Variants in PXN observed in about 807,000 individuals in gnomAD.
The protein encoded by PXN is paxillin.
A neutral mutation model predicts 103.6 loss-of-function variants in PXN; 61 were observed. The observed-to-expected ratio is 0.59, with a 90% CI of 0.48 to 0.73. PXN has a LOEUF of 0.73. Ranked by LOEUF, PXN falls within the 30% of genes least tolerant of loss-of-function variation. The pLI, the probability that PXN is intolerant of heterozygous loss-of-function variation, is 0.00. For synonymous variants in PXN, 562 were observed against 607.8 expected, an observed-to-expected ratio of 0.92 and a Z score of 1.11; for missense variants, 1,274 against 1,460.3, an observed-to-expected ratio of 0.87 and a Z score of 2.08.
rs760709224 is a variant in PXN at position 120,221,554 on chromosome 12, C to G, written c.831+69G>C. On this transcript the variant is annotated intron_variant, in intron 6 of 14. Transcript: ENST00000637617. This position sits in a 1 kb window ranked among gnomAD's most constrained non-coding sequence, Gnocchi z 6.6. Reference sequence around the variant, plus strand: ...AGATGCCAAGATCCAGCTACCCACACTGAGGTAAGGGAGGAGAAGGATGAG... The same window carrying G: ...AGATGCCAAGATCCAGCTACCCACAGTGAGGTAAGGGAGGAGAAGGATGAG... The G allele has an allele frequency of 4.1e-5, 60 of 1,480,778 alleles. No homozygotes were observed. The highest frequency in any genetic ancestry group is 5.1e-5 in the Non-Finnish European group (56 of 1,100,834). The allele number at this position is 1,480,778 out of a possible 1,614,324, so 91.7% of individuals were successfully genotyped here. A position where few individuals can be genotyped will look rare whatever the true frequency, so the allele number is the denominator to read the frequency against.
chr12:120,236,801 GTATT>G (rs933671041), intron 1 of PXN, among the ~76,000 whole-genome samples: 5 of 151,138 alleles, frequency 3.3e-5, no homozygotes, highest in Non-Finnish European at 5.9e-5. Context: ...TTTTATTTAT[GTATT>G]TATTTATTTA....
rs375417287 is a variant in PXN at position 120,222,870 on chromosome 12, G to A, written c.486C>T (p.Phe162=). The A allele has an allele frequency of 5.5e-4, 885 of 1,613,656 alleles. 1 individual carries two copies. Among genetic ancestry groups the A allele is most frequent in the Non-Finnish European group, 7.3e-4 (859 of 1,179,782 alleles). ...LNAVQHNPPG[F]PADEANSSPP... ...CCAGGGACCCGGTCCTACCTGCAGG[G>A]AAGCCTGGCGGGTTATGCTGTACAG... The change falls in exon 4 of 15, where the codon TTC becomes TTT. Residue 162 remains phenylalanine (F), a synonymous_variant. Coordinates refer to ENST00000637617, the MANE Select transcript of PXN (RefSeq NM_001385981.1). This position sits in a 1 kb window ranked among gnomAD's most constrained non-coding sequence, Gnocchi z 4.7.
chr12:120,256,907 G>A (rs1893105167), intron 1 of PXN, among the ~76,000 whole-genome samples: 1 of 152,062 alleles, frequency 6.6e-6, no homozygotes, highest in African/African-American at 2.4e-5. Context: ...GTAGAGATGG[G>A]GTTTCTCCAT....
At chr12:120,233,909 G>A (rs77478127) in intron 1 of PXN, among the ~76,000 whole-genome samples, 186 of 152,204 alleles carry the variant, frequency 1.2e-3, no homozygotes, top group African/African-American at 4.4e-3. Flanking sequence ...CCTGGTTTGA[G>A]CCTCTCGCAC....
intron 1 of PXN, chr12:120,226,097 C>T (rs930780027): frequency 1.5e-5 from 17 of 1,121,972 alleles, no homozygotes; most frequent in African/African-American, 6.6e-5. Context: ...ATCTAGGTAA[C>T]GGCAGAAAAG....
Position 120,222,812 on chromosome 12 carries a change from G to A in PXN, c.493+51C>T. The A allele has an allele frequency of 6.2e-7, 1 of 1,606,382 alleles. No homozygotes were observed. Among genetic ancestry groups the A allele is most frequent in the South Asian group, 1.1e-5 (1 of 90,352 alleles). Reference sequence around the variant, plus strand: ...GAGCCCTCCTGGGATCTAGAGGTCAGCAGATGGGCCCTGGGCCCTGGTAGA... The same window carrying A: ...GAGCCCTCCTGGGATCTAGAGGTCAACAGATGGGCCCTGGGCCCTGGTAGA... On this transcript the variant is annotated intron_variant, in intron 4 of 14. Transcript: ENST00000637617. This position sits in a 1 kb window ranked among gnomAD's most constrained non-coding sequence, Gnocchi z 4.7.
At position 120,219,527 on chromosome 12, in the gene PXN, C is replaced by CA; in HGVS notation, c.1395dup (p.Val466CysfsTer65). On this transcript the variant is annotated frameshift_variant, in exon 7 of 15. Transcript: ENST00000637617. LOFTEE classifies it high-confidence loss of function. The surrounding 1 kb of genome is among the most constrained non-coding windows in gnomAD (Gnocchi z 6.5). ...ATGGCCTGCCGGTCCACTGCCACTACAGCTGGCTCTGTTACTTCTTGGAAG... is the reference window on the plus strand; with the variant it reads ...ATGGCCTGCCGGTCCACTGCCACTACAAGCTGGCTCTGTTACTTCTTGGAAG... 1 of 1,592,454 alleles carries CA rather than the reference C, an allele frequency of 6.3e-7. No individual in the cohort carries two copies. The highest frequency in any genetic ancestry group is 8.5e-7 in the Non-Finnish European group (1 of 1,176,948).
At chr12:120,256,824 T>A (rs1286750598) in intron 1 of PXN, among the ~76,000 whole-genome samples, 1 of 152,026 alleles carries the variant, frequency 6.6e-6, no homozygotes, top group East Asian at 1.9e-4. Flanking sequence ...TTCAAGGAAT[T>A]CTCCTGCCTC....
chr12:120,226,024 G>A, intron 1 of PXN: 2 of 1,069,636 alleles, frequency 1.9e-6, no homozygotes, highest in Non-Finnish European at 2.3e-6. Context: ...CGCCCTCCGG[G>A]TCCCATGGAG....
At chr12:120,233,877 C>T (rs888068743) in intron 1 of PXN, among the ~76,000 whole-genome samples, 2 of 152,154 alleles carry the variant, frequency 1.3e-5, no homozygotes, top group African/African-American at 4.8e-5. Context: ...ATGTGTCCCA[C>T]CACTACCTCT....
chr12:120,249,917 G>A (rs1038911236), intron 1 of PXN: 27 of 985,340 alleles, frequency 2.7e-5, no homozygotes, highest in Non-Finnish European at 2.7e-5. Flanking sequence ...AAGCTAAGCA[G>A]GGGTGAAGAA....
chr12:120,212,530 C>T lies in PXN; in HGVS notation c.3030G>A (p.Gln1010=), dbSNP rs1566345091. The T allele has an allele frequency of 9.3e-6, 15 of 1,613,730 alleles. No homozygotes were observed. The highest frequency in any genetic ancestry group is 1.3e-5 in the Non-Finnish European group (15 of 1,179,744). Residue 1010 remains glutamine, a synonymous_variant, in exon 15 of 15, where the codon CAG becomes CAA. Transcript: ENST00000637617. The surrounding 1 kb of genome is among the most constrained non-coding windows in gnomAD (Gnocchi z 7.2). ...CGTGGTAGTGCACCTCACAGTAGGG[C>T]TGCCCGTCGTGCTCGAAGAAGCTGC... ...VNGSFFEHDG[Q]PYCEVHYHER... is the part of the protein sequence containing the mutation.
chr12:120,226,396 A>G (rs1365200034), intron 1 of PXN: 3 of 1,289,248 alleles, frequency 2.3e-6, no homozygotes, highest in Admixed American at 4.6e-5. Flanking sequence ...CACAGATGGT[A>G]TAACTGCGGT....
intron 1 of PXN, among the ~76,000 whole-genome samples, chr12:120,259,132 C>T (rs1893472681): frequency 6.6e-6 from 1 of 151,710 alleles, no homozygotes. Context: ...TAGCTCACAC[C>T]TGTAATCCCA....
chr12:120,248,907 C>T (rs535447565), intron 1 of PXN, among the ~76,000 whole-genome samples: 1 of 152,072 alleles, frequency 6.6e-6, no homozygotes, highest in Admixed American at 6.6e-5. Context: ...GAGGCTGAGG[C>T]GGGTGGATCA....
chr12:120,262,954 C>T (rs778629411), intron 1 of PXN, among the ~76,000 whole-genome samples: 8 of 152,126 alleles, frequency 5.3e-5, no homozygotes, highest in Admixed American at 1.3e-4. Flanking sequence ...ACTTATTAAG[C>T]AGCACATGGT....
At chr12:120,226,684 C>T in intron 1 of PXN, 1 of 1,145,990 alleles carries the variant, frequency 8.7e-7, no homozygotes, top group South Asian at 1.9e-5. Context: ...TGAGAGGATG[C>T]AGTCCTGGGG....
rs541201798 is a variant in PXN, at chr12:120,230,139, A to G, written c.14-5762T>C. Among the ~76,000 whole-genome samples the G allele has an allele frequency of 3.7e-4, 57 of 152,336 alleles. 1 individual carries two copies. The East Asian group carries it at 0.01, about 27-fold the overall frequency. ...TCATTGCCCCAGGCAGGGAGCGGCC[A>G]GTGCAGCTTCCTTAGGAGCTGACAA... On this transcript the variant is annotated intron_variant, in intron 1 of 14. Coordinates refer to ENST00000637617, the MANE Select transcript of PXN (RefSeq NM_001385981.1).
rs898020143 is a variant in PXN at position 120,224,690 on chromosome 12, C to T, written c.14-313G>A. ...ACTGCGTTCCCTCCTGACAGGGCCG[C>T]GCAGCCGCGAGTGAAGTGCCTGTCT... On this transcript the variant is annotated intron_variant, in intron 1 of 14. Coordinates refer to ENST00000637617, the MANE Select transcript of PXN (RefSeq NM_001385981.1). This position sits in a 1 kb window ranked among gnomAD's most constrained non-coding sequence, Gnocchi z 5.0. 4 of 608,064 alleles carry T rather than the reference C, an allele frequency of 6.6e-6. No individual in the cohort carries two copies. Among genetic ancestry groups the T allele is most frequent in the African/African-American group, 3.6e-5 (2 of 55,294 alleles). 37.7% of individuals were successfully genotyped at this position (608,064 alleles called of 1,614,324 possible).
Sources: allele counts gnomAD v4.1 joint callset (sites outside exome capture counted in the v4.1 genomes callset), GRCh38; gene constraint gnomAD v4.1.1; non-coding constraint Gnocchi (gnomAD v3.1); transcripts MANE v1.5; gene names NCBI Gene and HGNC (gene_info 2026-07-23, HGNC 2026-07-21).